Variants in CLASP1 observed in about 807,000 individuals in gnomAD.
CLASP1 encodes the protein CLIP-associating protein 1.
In CLASP1, 38 loss-of-function variants were observed where a neutral mutation model predicts 192.3. That is an observed-to-expected ratio of 0.20 (90% confidence interval 0.15 to 0.26). The LOEUF is 0.26. CLASP1 is among the 10% of genes least tolerant of loss of function. CLASP1 has a pLI of 1.00. For missense variants in CLASP1, 1,433 were observed against 1,932.5 expected (o/e 0.74, Z 4.85); for synonymous variants, 691 against 712.8 (o/e 0.97, Z 0.49).
At chr2:121,400,274 C>A (rs1367914152) in intron 28 of CLASP1, among the ~76,000 whole-genome samples, 1 of 151,952 alleles carries the variant, frequency 6.6e-6, no homozygotes, top group Non-Finnish European at 1.5e-5. Flanking sequence ...ACTTTGAGTT[C>A]ATTAAAAACC....
chr2:121,578,364 G>A (rs200035623), intron 2 of CLASP1, among the ~76,000 whole-genome samples: 1 of 139,750 alleles, frequency 7.2e-6, no homozygotes, highest in East Asian at 2.2e-4. Context: ...TGAGGCTGTA[G>A]TGAGATATGA....
At chr2:121,370,756 C>T (rs1233862663) in intron 34 of CLASP1, among the ~76,000 whole-genome samples, 1 of 152,222 alleles carries the variant, frequency 6.6e-6, no homozygotes, top group East Asian at 1.9e-4. Context: ...AGCTCTGCCA[C>T]TGCACTCCCC....
Position 121,367,727 on chromosome 2 carries a change from G to A in CLASP1, c.3747C>T (p.Asn1249=), listed in dbSNP as rs1396059425. 6 of 1,613,872 alleles carry A rather than the reference G, an allele frequency of 3.7e-6. No individual in the cohort carries two copies. In the Admixed American group the frequency reaches 8.3e-5, roughly 22 times the overall value. ...CCGGGAAGGCGCGCGGAGGCTGGGT[G>A]TTGAGTAGTGAGGTCTTGTTATCCA... The change falls in exon 35 of 40, where the codon AAC becomes AAT. Residue 1249 remains asparagine, a synonymous_variant. Coordinates refer to ENST00000263710, the Ensembl canonical transcript of CLASP1.
At chr2:121,358,657 TATAA>T (rs1471124472) in intron 37 of CLASP1, among the ~76,000 whole-genome samples, 18 of 152,278 alleles carry the variant, frequency 1.2e-4, no homozygotes, top group Admixed American at 3.3e-4. Flanking sequence ...CTCTTTCTTT[TATAA>T]ATAACTTTGG....
chr2:121,560,257 T>C (rs1196982613), intron 2 of CLASP1, among the ~76,000 whole-genome samples: 1 of 152,180 alleles, frequency 6.6e-6, no homozygotes, highest in East Asian at 1.9e-4. Flanking sequence ...CATGGGAAGA[T>C]GTCTGTGTTA....
Position 121,407,757 on chromosome 2 carries a change from T to A in CLASP1, c.2425-42A>T, listed in dbSNP as rs200575898. 6.2e-6 allele frequency: 10 copies of A among 1,612,636 alleles called. No homozygotes were observed. In the South Asian group the frequency reaches 9.9e-5, roughly 16 times the overall value. On this transcript the variant is annotated intron_variant, in intron 24 of 39. Coordinates refer to ENST00000263710, the Ensembl canonical transcript of CLASP1. ...GGGATGGGAGTGATTGAGGAAGAAATAGAAAGGTGAAATGACTGTGAGTCA... is the reference window on the plus strand; with the variant it reads ...GGGATGGGAGTGATTGAGGAAGAAAAAGAAAGGTGAAATGACTGTGAGTCA...
At chr2:121,343,127 G>A (rs1248880869) in intron 39 of CLASP1, among the ~76,000 whole-genome samples, 1 of 152,062 alleles carries the variant, frequency 6.6e-6, no homozygotes, top group African/African-American at 2.4e-5. Context: ...ATAAGAAATC[G>A]CCATCAGGTT....
intron 33 of CLASP1, among the ~76,000 whole-genome samples, chr2:121,379,642 A>T (rs915387187): frequency 6.6e-6 from 1 of 152,242 alleles, no homozygotes; most frequent in Non-Finnish European, 1.5e-5. Flanking sequence ...GCCCATGCAA[A>T]AGAAAAAAAA....
At position 121,460,477 on chromosome 2, in the gene CLASP1, C is replaced by T. The variant is rs560660151; in HGVS notation, c.1033-352G>A. 5.7e-4 allele frequency among the ~76,000 whole-genome samples: 87 copies of T among 152,150 alleles called. No homozygotes were observed. The Middle Eastern group carries it at 0.01, about 18-fold the overall frequency. Reference sequence around the variant, plus strand: ...AAATCCCCTCCTAAGCTTACCTCCCCGCGACACCCCACTTCAACTGCCATT... The same window carrying T: ...AAATCCCCTCCTAAGCTTACCTCCCTGCGACACCCCACTTCAACTGCCATT... On this transcript the variant is annotated intron_variant, in intron 11 of 39. Transcript: ENST00000263710.
chr2:121,498,209 T>G (rs1168577019), intron 8 of CLASP1, among the ~76,000 whole-genome samples: 1 of 146,426 alleles, frequency 6.8e-6, no homozygotes, highest in Admixed American at 6.7e-5. Context: ...TTCTTTTTTT[T>G]TTTTTTTTTT....
At chr2:121,566,043 G>GT (rs2059472009) in intron 2 of CLASP1, among the ~76,000 whole-genome samples, 1 of 152,204 alleles carries the variant, frequency 6.6e-6, no homozygotes. Context: ...ACTGACAGCT[G>GT]TGAGTCCTAT....
At chr2:121,593,413 A>AGTTC (rs924501663) in intron 2 of CLASP1, among the ~76,000 whole-genome samples, 1 of 152,064 alleles carries the variant, frequency 6.6e-6, no homozygotes, top group Non-Finnish European at 1.5e-5. Context: ...TGAGGTCAGG[A>AGTTC]GTTCGAGACC....
At chr2:121,339,170 C>T (rs991349479) in exon 40 of CLASP1, 17 of 152,734 alleles carry the variant, frequency 1.1e-4, no homozygotes, top group Non-Finnish European at 2.3e-4. Flanking sequence ...CACACACACA[C>T]GTCAGCACCC....
At chr2:121,448,883 T>A in intron 17 of CLASP1, 70 bp downstream of exon 17, 1 of 1,481,524 alleles carries the variant, frequency 6.7e-7, no homozygotes, top group East Asian at 2.3e-5. Context: ...AGCTAGAATT[T>A]GTGTTTTCAT....
At chr2:121,409,156 G>T in intron 24 of CLASP1, 1 of 871,226 alleles carries the variant, frequency 1.1e-6, no homozygotes, top group Non-Finnish European at 1.8e-6. Context: ...ACATATCTTA[G>T]CAAACCAAAA....
At chr2:121,461,732 G>A (rs892539646) in intron 10 of CLASP1, among the ~76,000 whole-genome samples, 9 of 152,120 alleles carry the variant, frequency 5.9e-5, no homozygotes, top group African/African-American at 1.9e-4. Context: ...CCAGGATGGA[G>A]TGCAGTGGCG....
intron 26 of CLASP1, chr2:121,402,459 T>C (rs2076279491): frequency 2.4e-6 from 1 of 424,424 alleles, no homozygotes; most frequent in Admixed American, 2.8e-5. Flanking sequence ...TACCGCCTCA[T>C]TTCTAGCACA....
intron 9 of CLASP1, among the ~76,000 whole-genome samples, chr2:121,466,275 CA>C (rs1328740165): frequency 1.3e-5 from 2 of 151,886 alleles, no homozygotes; most frequent in African/African-American, 2.4e-5. Flanking sequence ...TAAAATACAC[CA>C]AAAAAATAAT....
At chr2:121,580,460 T>A (rs996871158) in intron 2 of CLASP1, among the ~76,000 whole-genome samples, 5 of 152,222 alleles carry the variant, frequency 3.3e-5, no homozygotes, top group African/African-American at 1.2e-4. Flanking sequence ...TCAATTAGAT[T>A]AACACCATTA....
Sources: allele counts gnomAD v4.1 joint callset (sites outside exome capture counted in the v4.1 genomes callset), GRCh38; gene constraint gnomAD v4.1.1; transcripts MANE v1.5; gene names NCBI Gene and HGNC (gene_info 2026-07-23, HGNC 2026-07-21).